Variants in CADM2 observed in about 807,000 individuals in gnomAD.
CADM2 encodes the protein cell adhesion molecule 2.
CADM2 carries 12 observed loss-of-function variants against 49.8 expected under a neutral mutation model. That is an observed-to-expected ratio of 0.24 (90% CI 0.15 to 0.39). The LOEUF (loss-of-function observed/expected upper bound fraction) is 0.39. CADM2 is among the 10% of genes least tolerant of loss of function. The pLI is 1.00. For synonymous variants in CADM2, 214 were observed against 175.4 expected (o/e 1.22, Z -1.74); for missense variants, 378 against 492.3 (o/e 0.77, Z 2.20).
intron 1 of CADM2, among the ~76,000 whole-genome samples, chr3:85,661,642 C>T (rs1229071158): frequency 1.3e-5 from 2 of 151,814 alleles, no homozygotes; most frequent in Non-Finnish European, 2.9e-5. Context: ...TATTTTTCAT[C>T]TCAACTTTAT....
intron 6 of CADM2, among the ~76,000 whole-genome samples, chr3:85,929,510 A>G (rs1559748763): frequency 6.6e-6 from 1 of 152,048 alleles, no homozygotes; most frequent in Non-Finnish European, 1.5e-5. Flanking sequence ...TATCTGGGTC[A>G]GTAAAAAGTG....
At chr3:86,039,209 G>A (rs367735408) in intron 8 of CADM2, among the ~76,000 whole-genome samples, 195 of 152,178 alleles carry the variant, frequency 1.3e-3, no homozygotes, top group African/African-American at 4.0e-3. Context: ...TGGGAGTGTC[G>A]GAAAGTGGGT....
intron 1 of CADM2, among the ~76,000 whole-genome samples, chr3:85,106,942 C>T (rs1015505730): frequency 6.6e-6 from 1 of 152,008 alleles, no homozygotes; most frequent in African/African-American, 2.4e-5. Context: ...TAAAAGAAAA[C>T]TTACAGTAGG....
At chr3:85,871,150 G>T (rs1054512723) in intron 3 of CADM2, among the ~76,000 whole-genome samples, 1 of 152,078 alleles carries the variant, frequency 6.6e-6, no homozygotes, top group South Asian at 2.1e-4. Context: ...TCTGACAAAG[G>T]TCTAATATCC....
chr3:85,140,095 C>G (rs75771548), intron 1 of CADM2, among the ~76,000 whole-genome samples: 1 of 152,020 alleles, frequency 6.6e-6, no homozygotes, highest in Non-Finnish European at 1.5e-5. Flanking sequence ...AGCTAAGATT[C>G]GGGAGCTGGA....
chr3:85,996,255 C>T (rs1729397971), intron 8 of CADM2, among the ~76,000 whole-genome samples: 1 of 150,068 alleles, frequency 6.7e-6, no homozygotes, highest in African/African-American at 2.4e-5. Flanking sequence ...GCCTGAAAGG[C>T]CTTGCCAAGT....
chr3:85,964,778 A>G (rs1725270322), intron 8 of CADM2, among the ~76,000 whole-genome samples: 1 of 151,802 alleles, frequency 6.6e-6, no homozygotes, highest in South Asian at 2.1e-4. Flanking sequence ...CAAGCTTGGC[A>G]ATGGAAAAAT....
chr3:85,769,579 A>G (rs2069943380), intron 2 of CADM2, among the ~76,000 whole-genome samples: 1 of 122,430 alleles, frequency 8.2e-6, no homozygotes, highest in Admixed American at 9.7e-5. Context: ...ATATACATAT[A>G]TACATATATA....
intron 1 of CADM2, among the ~76,000 whole-genome samples, chr3:85,349,755 C>A (rs1008002840): frequency 6.6e-6 from 1 of 152,124 alleles, no homozygotes; most frequent in African/African-American, 2.4e-5. Flanking sequence ...GAGAACCTTG[C>A]AAAATTTAGA....
chr3:85,258,000 AT>A (rs1559746318), intron 1 of CADM2, among the ~76,000 whole-genome samples: 1 of 152,094 alleles, frequency 6.6e-6, no homozygotes, highest in Non-Finnish European at 1.5e-5. Flanking sequence ...AAATATACTT[AT>A]TTCACAGGTG....
chr3:85,825,197 T>C (rs939846763), intron 3 of CADM2, among the ~76,000 whole-genome samples: 7 of 151,794 alleles, frequency 4.6e-5, no homozygotes, highest in African/African-American at 1.7e-4. Context: ...ACCGTGAGAG[T>C]GTGTAGTCAG....
chr3:85,582,739 C>T (rs547882542), intron 1 of CADM2, among the ~76,000 whole-genome samples: 1 of 152,218 alleles, frequency 6.6e-6, no homozygotes, highest in South Asian at 2.1e-4. Flanking sequence ...CATTTGAACT[C>T]TTGGCAGACA....
At chr3:85,365,456 C>A (rs370295385) in intron 1 of CADM2, among the ~76,000 whole-genome samples, 13 of 151,892 alleles carry the variant, frequency 8.6e-5, no homozygotes, top group Non-Finnish European at 1.6e-4. Flanking sequence ...AATATTGGCC[C>A]ATTATTCAAT....
chr3:85,680,311 G>T (rs2066003970), intron 1 of CADM2, among the ~76,000 whole-genome samples: 1 of 152,050 alleles, frequency 6.6e-6, no homozygotes, highest in African/African-American at 2.4e-5. Context: ...GTCTGAATCG[G>T]TGGAATTTTG....
chr3:85,345,672 A>G (rs1324351115), intron 1 of CADM2, among the ~76,000 whole-genome samples: 1 of 152,234 alleles, frequency 6.6e-6, no homozygotes, highest in African/African-American at 2.4e-5. Flanking sequence ...TGAAGGATAC[A>G]TAGGAGGCAT....
At chr3:85,928,767 T>G (rs1280415048) in intron 6 of CADM2, among the ~76,000 whole-genome samples, 1 of 152,170 alleles carries the variant, frequency 6.6e-6, no homozygotes. Flanking sequence ...ACTTCAGTTT[T>G]TTTGCATTTT....
intron 6 of CADM2, among the ~76,000 whole-genome samples, chr3:85,919,865 T>C (rs1718869919): frequency 6.6e-6 from 1 of 151,966 alleles, no homozygotes; most frequent in Non-Finnish European, 1.5e-5. Context: ...ATTCTGATTA[T>C]AGAAGACAAT....
At chr3:85,055,879 CTG>C in intron 1 of CADM2, among the ~76,000 whole-genome samples, 1 of 151,920 alleles carries the variant, frequency 6.6e-6, no homozygotes, top group Non-Finnish European at 1.5e-5. Flanking sequence ...TGCATGGTAC[CTG>C]GATCTATGTT....
At chr3:84,962,071 C>T (rs960993373) in intron 1 of CADM2, among the ~76,000 whole-genome samples, 3 of 151,148 alleles carry the variant, frequency 2.0e-5, no homozygotes, top group Non-Finnish European at 4.4e-5. Flanking sequence ...GCGGGGGGTG[C>T]GGGGAAGGGG....
Sources: gnomAD v4.1 joint callset for allele counts (sites outside exome capture counted in the v4.1 genomes callset) on GRCh38, gnomAD v4.1.1 for gene constraint, MANE v1.5 for transcripts, NCBI Gene and HGNC (gene_info 2026-07-23, HGNC 2026-07-21) for gene names.